The following AP1S3 variants were observed in gnomAD, a reference collection of about 807,000 sequenced individuals.
The protein encoded by AP1S3 is adaptor related protein complex 1 subunit sigma 3, also known as AP-1 complex subunit sigma-3.
A neutral mutation model predicts 20.9 loss-of-function variants in AP1S3; 10 were observed. The observed-to-expected ratio is 0.48, with a 90% CI of 0.29 to 0.81. The LOEUF is 0.81. Among genes scored for constraint, AP1S3 ranks in the 30% least tolerant of loss-of-function variants. The pLI is 0.08. For synonymous variants in AP1S3, 41 were observed against 61.5 expected (o/e 0.67, Z 1.56); for missense variants, 154 against 183.8 (o/e 0.84, Z 0.94).
intron 1 of AP1S3, among the ~76,000 whole-genome samples, chr2:223,805,508 T>G (rs1297896575): frequency 2.0e-5 from 3 of 152,182 alleles, no homozygotes; most frequent in Non-Finnish European, 1.5e-5. Context: ...TGCCTTTCAA[T>G]TATAACATGC....
At chr2:223,832,816 T>C (rs2106043922) in intron 1 of AP1S3, among the ~76,000 whole-genome samples, 1 of 150,714 alleles carries the variant, frequency 6.6e-6, no homozygotes, top group South Asian at 2.1e-4. Context: ...TCTTTTTTTT[T>C]TTTTTTTTTA....
In AP1S3 at chr2:223,837,509, C is replaced by A; in HGVS notation, c.-59G>T. ...GCAAGGAGCGCTGGAGAAGCGAGGG[C>A]GAGAGGCGAGCGCTGGAGCCGGTGC... On this transcript the variant is annotated 5_prime_UTR_variant, in exon 1 of 5. Coordinates refer to ENST00000396654, the MANE Select transcript of AP1S3 (RefSeq NM_001039569.2). 8.3e-7 allele frequency: 1 copy of A among 1,211,904 alleles called. No individual in the cohort carries two copies. Among genetic ancestry groups the A allele is most frequent in the Non-Finnish European group, 1.0e-6 (1 of 958,832 alleles). 75.1% of individuals were successfully genotyped at this position (1,211,904 alleles called of 1,614,324 possible). A position where few individuals can be genotyped will look rare whatever the true frequency, so the allele number is the denominator to read the frequency against.
intron 1 of AP1S3, among the ~76,000 whole-genome samples, chr2:223,804,698 T>TGAGTGACA (rs1467128723): frequency 1.3e-5 from 2 of 150,780 alleles, no homozygotes; most frequent in Non-Finnish European, 2.9e-5. Context: ...CACTCCAGCC[T>TGAGTGACA]GAGTGACAGA....
At chr2:223,800,764 T>C (rs1187397645) in intron 1 of AP1S3, among the ~76,000 whole-genome samples, 1 of 152,200 alleles carries the variant, frequency 6.6e-6, no homozygotes, top group Non-Finnish European at 1.5e-5. Flanking sequence ...GCTTTCCCTT[T>C]CAGGTCAGGA....
chr2:223,770,484 G>C (rs892921785), intron 3 of AP1S3, among the ~76,000 whole-genome samples: 4 of 130,836 alleles, frequency 3.1e-5, no homozygotes, highest in Non-Finnish European at 6.3e-5. Flanking sequence ...GGTATTCAGA[G>C]TTAGAGAGAC....
intron 1 of AP1S3, among the ~76,000 whole-genome samples, chr2:223,781,390 C>T (rs1690942546): frequency 6.6e-6 from 1 of 151,874 alleles, no homozygotes; most frequent in African/African-American, 2.4e-5. Flanking sequence ...GGAATTTTAA[C>T]ACAGCATTTT....
At chr2:223,770,421 A>T (rs999149212) in intron 3 of AP1S3, 1 of 1,500,386 alleles carries the variant, frequency 6.7e-7, no homozygotes, top group African/African-American at 1.4e-5. Flanking sequence ...TCCAGCAGCC[A>T]TGGGGCAATT....
At chr2:223,818,594 C>T (rs1210609789) in intron 1 of AP1S3, among the ~76,000 whole-genome samples, 1 of 152,012 alleles carries the variant, frequency 6.6e-6, no homozygotes, top group Non-Finnish European at 1.5e-5. Flanking sequence ...GCTCTGTCAC[C>T]CAGGCAGGAA....
chr2:223,777,568 T>C (rs1690815573), intron 2 of AP1S3, 123 bp downstream of exon 2: 3 of 841,942 alleles, frequency 3.6e-6, no homozygotes, highest in Non-Finnish European at 5.4e-6. Context: ...GGTACAAATA[T>C]CTGGGCCCCA....
chr2:223,805,929 C>T (rs1487640527), intron 1 of AP1S3, among the ~76,000 whole-genome samples: 2 of 152,108 alleles, frequency 1.3e-5, no homozygotes, highest in Non-Finnish European at 2.9e-5. Context: ...CACTAATTGG[C>T]CAACTGCAGA....
chr2:223,792,329 C>A (rs562033701), intron 1 of AP1S3, among the ~76,000 whole-genome samples: 1 of 152,166 alleles, frequency 6.6e-6, no homozygotes, highest in Non-Finnish European at 1.5e-5. Flanking sequence ...GGTACTGGTA[C>A]AAGAACAGAC....
At chr2:223,772,358 G>C (rs1690652367) in intron 3 of AP1S3, among the ~76,000 whole-genome samples, 1 of 151,926 alleles carries the variant, frequency 6.6e-6, no homozygotes, top group Admixed American at 6.6e-5. Context: ...AGCATCCGGG[G>C]GACCCATAGT....
At chr2:223,824,510 T>A (rs1370073357) in intron 1 of AP1S3, among the ~76,000 whole-genome samples, 1 of 151,748 alleles carries the variant, frequency 6.6e-6, no homozygotes, top group East Asian at 1.9e-4. Flanking sequence ...AGCCACAAGC[T>A]ACTTTTGACT....
intron 1 of AP1S3, among the ~76,000 whole-genome samples, chr2:223,800,013 G>A (rs1048901141): frequency 2.6e-5 from 4 of 151,956 alleles, no homozygotes; most frequent in Non-Finnish European, 4.4e-5. Context: ...TCAGGAGTTC[G>A]AGACCAGCCT....
intron 1 of AP1S3, among the ~76,000 whole-genome samples, chr2:223,833,241 A>AATAAATACATACATACATACATAC (rs112316770): frequency 2.7e-5 from 4 of 148,430 alleles, no homozygotes; most frequent in Non-Finnish European, 5.9e-5. Flanking sequence ...TTAAAGGCAA[A>AATAAATACATACATACATACATAC]ATACATACAT....
intron 1 of AP1S3, among the ~76,000 whole-genome samples, chr2:223,795,781 CAGTGATG>C (rs1425529325): frequency 6.6e-6 from 1 of 152,186 alleles, no homozygotes; most frequent in Non-Finnish European, 1.5e-5. Flanking sequence ...ATAAGGACCT[CAGTGATG>C]CTGGGAGAAC....
chr2:223,767,401 C>A (rs1194917298), intron 3 of AP1S3, among the ~76,000 whole-genome samples: 2 of 152,066 alleles, frequency 1.3e-5, no homozygotes, highest in Non-Finnish European at 2.9e-5. Context: ...TCCCTCCTAC[C>A]CTGCATTTGT....
At chr2:223,785,193 T>A (rs1691044453) in intron 1 of AP1S3, among the ~76,000 whole-genome samples, 1 of 151,946 alleles carries the variant, frequency 6.6e-6, no homozygotes, top group East Asian at 1.9e-4. Context: ...ATACAAAAAA[T>A]TAGCCGGGCG....
chr2:223,785,831 C>A (rs1021552841), intron 1 of AP1S3, among the ~76,000 whole-genome samples: 3 of 152,144 alleles, frequency 2.0e-5, no homozygotes, highest in African/African-American at 7.2e-5. Flanking sequence ...AATGGTGGAT[C>A]CGTGTCATTA....
Sources: gnomAD v4.1 joint callset for allele counts (sites outside exome capture counted in the v4.1 genomes callset) on GRCh38, gnomAD v4.1.1 for gene constraint, MANE v1.5 for transcripts, NCBI Gene and HGNC (gene_info 2026-07-23, HGNC 2026-07-21) for gene names.